The following RORB variants were observed in gnomAD, a reference collection of about 807,000 sequenced individuals.
RORB encodes the protein RAR related orphan receptor B.
In RORB, 6 loss-of-function variants were observed where a neutral mutation model predicts 59.1. The observed-to-expected ratio is 0.10, with a 90% confidence interval of 0.06 to 0.20. The LOEUF (loss-of-function observed/expected upper bound fraction) is 0.20. Among genes scored for constraint, RORB ranks in the 10% least tolerant of loss-of-function variants. The pLI, the probability that RORB is intolerant of heterozygous loss-of-function variation, is 1.00. For synonymous variants in RORB, 215 were observed against 204.5 expected (o/e 1.05, Z -0.44); for missense variants, 320 against 560.5 (o/e 0.57, Z 4.33).
rs558419965 is a variant in RORB at position 74,566,446 on chromosome 9, T to C, written c.8-63836T>C. On this transcript the variant is annotated intron_variant, in intron 1 of 9. Coordinates refer to ENST00000376896, the MANE Select transcript of RORB (RefSeq NM_006914.4). ...TCTGTCTCTACTACTATCAACAGTTTTGTGTTTCCACAGTGGTTCTTTACA... is the reference window on the plus strand; with the variant it reads ...TCTGTCTCTACTACTATCAACAGTTCTGTGTTTCCACAGTGGTTCTTTACA... 1.8e-4 allele frequency among the ~76,000 whole-genome samples: 27 copies of C among 152,322 alleles called. 1 individual carries two copies. In the South Asian group the frequency reaches 5.4e-3, roughly 30 times the overall value.
At position 74,693,155 on chromosome 9, in the gene RORB, A is replaced by G. The variant is rs905924025; in HGVS notation, c.*7537A>G. On this transcript the variant is annotated 3_prime_UTR_variant, in exon 10 of 10. Coordinates refer to ENST00000376896, the MANE Select transcript of RORB (RefSeq NM_006914.4). ...GTTTCCTCCTTTAATGCTGAACAAA[A>G]TTAAAAGAAGAAAAAGAAAAAAGGA... is the stretch of plus-strand genomic sequence containing the variant. 27 of 152,194 alleles carry G rather than the reference A, an allele frequency of 1.8e-4. No homozygotes were observed. The highest frequency in any genetic ancestry group is 6.5e-4 in the African/African-American group (27 of 41,452). 9.4% of individuals were successfully genotyped at this position (152,194 alleles called of 1,614,324 possible).
intron 1 of RORB, among the ~76,000 whole-genome samples, chr9:74,548,647 C>G (rs995230256): frequency 6.6e-6 from 1 of 152,124 alleles, no homozygotes; most frequent in Non-Finnish European, 1.5e-5. Context: ...TAGAGTGGCT[C>G]GGTGCAGCTA....
chr9:74,654,343 AG>A (rs1824045018), intron 4 of RORB, among the ~76,000 whole-genome samples: 1 of 84,790 alleles, frequency 1.2e-5, no homozygotes, highest in Non-Finnish European at 2.2e-5. Flanking sequence ...GGAGAGAGAG[AG>A]AGAGAGAGAG....
rs144378822 is a variant in RORB at position 74,589,776 on chromosome 9, C to T, written c.8-40506C>T. On this transcript the variant is annotated intron_variant, in intron 1 of 9. Coordinates refer to ENST00000376896, the MANE Select transcript of RORB (RefSeq NM_006914.4). ...TGGCCTCGCTTGTTCTGTACTCCAC[C>T]CAAACCACAAGCATCAGGTCTTCCT... Among the ~76,000 whole-genome samples, 1,229 of 152,258 alleles carry T rather than the reference C, an allele frequency of 8.1e-3. 10 individuals are homozygous for T. The highest frequency in any genetic ancestry group is 0.013 in the Non-Finnish European group (896 of 68,002).
At chr9:74,582,614 C>T (rs1822740530) in intron 1 of RORB, among the ~76,000 whole-genome samples, 2 of 152,102 alleles carry the variant, frequency 1.3e-5, no homozygotes, top group South Asian at 4.1e-4. Context: ...AGATGTCACA[C>T]AAAAATCTGG....
intron 1 of RORB, among the ~76,000 whole-genome samples, chr9:74,582,612 C>T (rs1822740499): frequency 6.6e-6 from 1 of 152,154 alleles, no homozygotes; most frequent in South Asian, 2.1e-4. Flanking sequence ...GAAGATGTCA[C>T]ACAAAAATCT....
At chr9:74,591,934 G>A (rs1822902313) in intron 1 of RORB, among the ~76,000 whole-genome samples, 1 of 152,124 alleles carries the variant, frequency 6.6e-6, no homozygotes. Context: ...GCATGTTCAT[G>A]TGTGAGAGTG....
intron 1 of RORB, among the ~76,000 whole-genome samples, chr9:74,574,442 ATTTC>A (rs1822600352): frequency 6.6e-6 from 1 of 152,076 alleles, no homozygotes; most frequent in South Asian, 2.1e-4. Context: ...TTCCCTTAAT[ATTTC>A]TTTCTTTATT....
At chr9:74,645,758 A>T (rs1823886630) in intron 4 of RORB, among the ~76,000 whole-genome samples, 1 of 152,120 alleles carries the variant, frequency 6.6e-6, no homozygotes, top group South Asian at 2.1e-4. Context: ...TGATGGAAAA[A>T]TCGAGGCTTA....
chr9:74,649,083 C>A (rs930440240), intron 4 of RORB, among the ~76,000 whole-genome samples: 1 of 151,940 alleles, frequency 6.6e-6, no homozygotes, highest in African/African-American at 2.4e-5. Flanking sequence ...CCTGCCTCAG[C>A]ATCTCAAGTA....
At chr9:74,593,872 C>T (rs1395569888) in intron 1 of RORB, among the ~76,000 whole-genome samples, 2 of 152,148 alleles carry the variant, frequency 1.3e-5, no homozygotes, top group Non-Finnish European at 2.9e-5. Flanking sequence ...TTCTACATAC[C>T]TCAAAAGACC....
intron 1 of RORB, among the ~76,000 whole-genome samples, chr9:74,541,191 A>G (rs1826400278): frequency 6.8e-6 from 1 of 146,990 alleles, no homozygotes; most frequent in Non-Finnish European, 1.5e-5. Flanking sequence ...GAGGCACGAA[A>G]ATCACTTGAA....
intron 1 of RORB, among the ~76,000 whole-genome samples, chr9:74,601,618 A>T (rs902760036): frequency 6.6e-6 from 1 of 152,158 alleles, no homozygotes; most frequent in Non-Finnish European, 1.5e-5. Context: ...ACGATTTCTC[A>T]CTACAAAGCT....
intron 4 of RORB, among the ~76,000 whole-genome samples, chr9:74,653,622 A>C (rs1329749726): frequency 6.6e-6 from 1 of 152,180 alleles, no homozygotes; most frequent in Non-Finnish European, 1.5e-5. Context: ...TCTGAGGCTC[A>C]GCTTTCTTGC....
chr9:74,651,308 G>T (rs755289160), intron 4 of RORB, among the ~76,000 whole-genome samples: 1 of 152,188 alleles, frequency 6.6e-6, no homozygotes, highest in African/African-American at 2.4e-5. Context: ...CCCAAGGCAG[G>T]TGGATCACAT....
At chr9:74,560,396 C>T (rs908662726) in intron 1 of RORB, among the ~76,000 whole-genome samples, 6 of 152,280 alleles carry the variant, frequency 3.9e-5, no homozygotes, top group Admixed American at 2.6e-4. Flanking sequence ...AACACATCCA[C>T]ATAAAGTGTA....
At chr9:74,552,813 AAATAATAAT>A (rs753804338) in intron 1 of RORB, among the ~76,000 whole-genome samples, 1 of 151,772 alleles carries the variant, frequency 6.6e-6, no homozygotes, top group East Asian at 1.9e-4. Context: ...TAAAGACACA[AAATAATAAT>A]AATAATAATA....
intron 8 of RORB, among the ~76,000 whole-genome samples, chr9:74,670,072 T>C (rs1452861979): frequency 6.9e-6 from 1 of 144,614 alleles, no homozygotes; most frequent in Admixed American, 6.9e-5. Flanking sequence ...CCTCTAGGCC[T>C]TTTTTTTTTT....
intron 1 of RORB, among the ~76,000 whole-genome samples, chr9:74,597,698 C>G (rs1822990136): frequency 6.6e-6 from 1 of 152,098 alleles, no homozygotes; most frequent in South Asian, 2.1e-4. Context: ...GTGGCTCATG[C>G]CTGTAATCCC....
Sources: gnomAD v4.1 joint callset for allele counts (sites outside exome capture counted in the v4.1 genomes callset) on GRCh38, gnomAD v4.1.1 for gene constraint, MANE v1.5 for transcripts, NCBI Gene and HGNC (gene_info 2026-07-23, HGNC 2026-07-21) for gene names.